Variants in TCF4 observed in about 807,000 individuals in gnomAD.
The protein encoded by TCF4 is SL3-3 enhancer factor 2.
Under a neutral mutation model 82.1 loss-of-function variants are expected in TCF4, and 3 were observed. That is an observed-to-expected ratio of 0.04 (90% CI 0.02 to 0.09). TCF4 has a LOEUF of 0.09. Ranked by LOEUF, TCF4 falls within the 10% of genes least tolerant of loss-of-function variation. TCF4 has a pLI of 1.00. For missense variants in TCF4, 518 were observed against 852.7 expected, an observed-to-expected ratio of 0.61 and a Z score of 4.89; for synonymous variants, 276 against 309.6, an observed-to-expected ratio of 0.89 and a Z score of 1.14.
chr18:55,495,236 C>G (rs1231754965), intron 3 of TCF4, among the ~76,000 whole-genome samples: 1 of 150,056 alleles, frequency 6.7e-6, no homozygotes, highest in Admixed American at 6.7e-5. Flanking sequence ...AATCAAAAGC[C>G]AGAACTAAAG....
intron 8 of TCF4, among the ~76,000 whole-genome samples, chr18:55,312,274 C>T (rs2072732292): frequency 6.6e-6 from 1 of 152,110 alleles, no homozygotes; most frequent in South Asian, 2.1e-4. Flanking sequence ...TTTAAACAGA[C>T]CAACTGAACC....
chr18:55,299,597 T>C (rs2067529306), intron 8 of TCF4, among the ~76,000 whole-genome samples: 2 of 152,118 alleles, frequency 1.3e-5, no homozygotes. Context: ...TGAAATGCAA[T>C]AGCCAAAGTG....
intron 6 of TCF4, among the ~76,000 whole-genome samples, chr18:55,386,563 GTTAA>G (rs1253601549): frequency 2.0e-5 from 3 of 152,084 alleles, no homozygotes; most frequent in African/African-American, 7.2e-5. Flanking sequence ...ACCTTTCATT[GTTAA>G]TTAAGAAAAC....
At chr18:55,424,960 GAAC>G (rs1347821867) in intron 5 of TCF4, among the ~76,000 whole-genome samples, 5 of 152,150 alleles carry the variant, frequency 3.3e-5, no homozygotes, top group African/African-American at 1.2e-4. Flanking sequence ...ACCCTCCAAA[GAAC>G]AACTATATGA....
chr18:55,351,206 T>C, intron 6 of TCF4: 1 of 596,332 alleles, frequency 1.7e-6, no homozygotes, highest in Non-Finnish European at 2.9e-6. Context: ...TCTTTACTTT[T>C]AGGAGGAAAG....
At chr18:55,248,912 T>G (rs927966847) in intron 15 of TCF4, among the ~76,000 whole-genome samples, 8 of 152,180 alleles carry the variant, frequency 5.3e-5, no homozygotes, top group Non-Finnish European at 1.2e-4. Flanking sequence ...GCCCGGCTAA[T>G]TTTTGTATTT....
chr18:55,624,825 A>T (rs1281043993), intron 2 of TCF4, among the ~76,000 whole-genome samples: 9 of 152,182 alleles, frequency 5.9e-5, no homozygotes, highest in Admixed American at 3.3e-4. Context: ...TGTCAGGTAT[A>T]GTAGGTATTA....
At chr18:55,475,425 G>A (rs2096270567) in intron 3 of TCF4, among the ~76,000 whole-genome samples, 2 of 152,106 alleles carry the variant, frequency 1.3e-5, no homozygotes, top group Non-Finnish European at 2.9e-5. Context: ...CCCCTCATGT[G>A]CTATGCCAAT....
chr18:55,535,254 T>A (rs1009862497), intron 3 of TCF4, among the ~76,000 whole-genome samples: 7 of 152,222 alleles, frequency 4.6e-5, no homozygotes, highest in African/African-American at 1.7e-4. Context: ...ATTAAAGTCA[T>A]GAGTTAGCAA....
chr18:55,279,615 G>C lies in TCF4; in HGVS notation c.591C>G (p.Asp197Glu). Residue 197 changes from aspartate (D) to glutamate (E), a missense_variant, in exon 9 of 20, where the codon GAC becomes GAG. Physicochemically the swap from Asp to Glu is conservative, Grantham distance 45. Coordinates refer to ENST00000354452, the MANE Select transcript of TCF4 (RefSeq NM_001083962.2). Reference protein sequence around the residue: ...PSASTADYNRDSPGYPSSKPA... With the variant: ...PSASTADYNRESPGYPSSKPA... The stretch of plus-strand genomic sequence containing the variant: ...GTTTGGAGGAAGGATAGCCTGGCGA[G>C]TCCCTATTGTAGTCGGCAGTGCTTG... 1 of 1,614,034 alleles carries C rather than the reference G, an allele frequency of 6.2e-7. No homozygotes were observed. Among genetic ancestry groups the C allele is most frequent in the African/African-American group, 1.3e-5 (1 of 75,046 alleles).
At chr18:55,617,849 GTA>G (rs1491087374) in intron 2 of TCF4, among the ~76,000 whole-genome samples, 1 of 150,532 alleles carries the variant, frequency 6.6e-6, no homozygotes, top group Non-Finnish European at 1.5e-5. Flanking sequence ...GTGTGTGTGT[GTA>G]GTCTTTAGAG....
At chr18:55,426,795 A>C (rs1318401642) in intron 5 of TCF4, among the ~76,000 whole-genome samples, 1 of 152,152 alleles carries the variant, frequency 6.6e-6, no homozygotes, top group Non-Finnish European at 1.5e-5. Flanking sequence ...ACTTCTATAT[A>C]TATCATACTA....
At chr18:55,258,870 G>C (rs1219183755) in intron 13 of TCF4, among the ~76,000 whole-genome samples, 1 of 152,062 alleles carries the variant, frequency 6.6e-6, no homozygotes, top group Non-Finnish European at 1.5e-5. Context: ...TTCCACCAGG[G>C]GGAACGTTTG....
intron 5 of TCF4, among the ~76,000 whole-genome samples, chr18:55,426,771 T>A (rs1427291879): frequency 1.3e-5 from 2 of 152,230 alleles, no homozygotes; most frequent in Middle Eastern, 3.4e-3. Flanking sequence ...CAGTATTTTA[T>A]AAAATAAATA....
intron 15 of TCF4, among the ~76,000 whole-genome samples, chr18:55,243,545 A>G (rs555002363): frequency 7.2e-5 from 11 of 152,204 alleles, no homozygotes; most frequent in Non-Finnish European, 1.0e-4. Flanking sequence ...TGACATTAAG[A>G]GTAGCATTAA....
upstream of TCF4, chr18:55,588,593 C>G: frequency 1.3e-6 from 2 of 1,516,152 alleles, no homozygotes; most frequent in Non-Finnish European, 8.8e-7. Flanking sequence ...CTTTCTTTCT[C>G]TTACTCTCGT....
intron 8 of TCF4, among the ~76,000 whole-genome samples, chr18:55,336,774 T>A (rs1465126153): frequency 6.6e-6 from 1 of 152,182 alleles, no homozygotes; most frequent in Non-Finnish European, 1.5e-5. Flanking sequence ...CTATTAAGAA[T>A]CTTGCATTAT....
intron 3 of TCF4, among the ~76,000 whole-genome samples, chr18:55,512,093 A>T (rs560955829): frequency 6.6e-6 from 1 of 152,256 alleles, no homozygotes; most frequent in South Asian, 2.1e-4. Context: ...CTACCACGTT[A>T]ATAAGATAAA....
intron 14 of TCF4, 103 bp from the exon 15 acceptor site, chr18:55,254,803 T>C: frequency 4.9e-6 from 5 of 1,025,976 alleles, no homozygotes; most frequent in Non-Finnish European, 5.9e-6. Flanking sequence ...TGTTTCTAAA[T>C]ACATGTTTCC....
Sources: gnomAD v4.1 joint callset for allele counts (sites outside exome capture counted in the v4.1 genomes callset) on GRCh38, gnomAD v4.1.1 for gene constraint, MANE v1.5 for transcripts, NCBI Gene and HGNC (gene_info 2026-07-23, HGNC 2026-07-21) for gene names.